RECK: variants seen among roughly 807,000 people sequenced by gnomAD.
RECK encodes reversion-inducing cysteine-rich protein with Kazal motifs.
Under a neutral mutation model 115.1 loss-of-function variants are expected in RECK, and 69 were observed. The observed-to-expected ratio is 0.60, with a 90% CI of 0.49 to 0.73. The LOEUF (loss-of-function observed/expected upper bound fraction) is 0.73. Among genes scored for constraint, RECK ranks in the 30% least tolerant of loss-of-function variants. The probability of loss-of-function intolerance (pLI) is 0.00; values close to 1 mark genes in which losing one functional copy is unlikely to be tolerated. For missense variants in RECK, 1,047 were observed against 1,203.7 expected (o/e 0.87, Z 1.93); for synonymous variants, 414 against 419.7 (o/e 0.99, Z 0.17).
At position 36,065,565 on chromosome 9, in the gene RECK, G is replaced by T. The variant is rs201075955; in HGVS notation, c.358-12G>T. The T allele has an allele frequency of 3.8e-6, 6 of 1,576,450 alleles. No individual in the cohort carries two copies. The South Asian group carries it at 6.1e-5, about 16-fold the overall frequency. ...GTATAATAAATTAATGGAGAAATTT[G>T]TTGGTTTTTAGGCATCTTCAAAGAA... On this transcript the variant is annotated splice_polypyrimidine_tract_variant and intron_variant, in intron 5 of 20. Transcript: ENST00000377966.
At chr9:36,109,466 G>A (rs1388184837) in intron 14 of RECK, among the ~76,000 whole-genome samples, 1 of 152,188 alleles carries the variant, frequency 6.6e-6, no homozygotes, top group Non-Finnish European at 1.5e-5. Flanking sequence ...CACTTCAGGG[G>A]CTTGGAGGAA....
chr9:36,058,933 T>C, intron 3 of RECK, 32 bp downstream of exon 3: 12 of 1,404,188 alleles, frequency 8.5e-6, no homozygotes, highest in Non-Finnish European at 1.1e-5. Flanking sequence ...CTGTAGAAGC[T>C]TCTGTCTAAA....
chr9:36,037,325 C>T (rs1204220305), intron 1 of RECK, among the ~76,000 whole-genome samples: 1 of 151,740 alleles, frequency 6.6e-6, no homozygotes, highest in Non-Finnish European at 1.5e-5. Flanking sequence ...GGGTTTGAGG[C>T]CTTGGTCTGT....
In RECK at chr9:36,104,293, T is replaced by TGCAC. The variant is rs368760614; in HGVS notation, c.1436-850_1436-849insGCAC. Among the ~76,000 whole-genome samples the TGCAC allele has an allele frequency of 3.4e-4, 11 of 32,004 alleles. 1 individual carries two copies. The South Asian group carries it at 8.4e-3, about 25-fold the overall frequency. 21.0% of individuals were successfully genotyped at this position (32,004 alleles called of 152,430 possible). On this transcript the variant is annotated intron_variant, in intron 12 of 20. Transcript: ENST00000377966. ...TACATAGCATGTGTGTGTGTGTGTGTATATATATATATATATATATATATA... is the reference window on the plus strand; with the variant it reads ...TACATAGCATGTGTGTGTGTGTGTGTGCACATATATATATATATATATATATATA...
intron 9 of RECK, 53 bp from the exon 10 acceptor site, chr9:36,091,111 A>G (rs1294143820): frequency 2.6e-6 from 4 of 1,548,258 alleles, no homozygotes; most frequent in Non-Finnish European, 3.6e-6. Context: ...ATGCAAATCA[A>G]ATATTTACTT....
At chr9:36,106,886 C>T (rs906946246) in intron 13 of RECK, among the ~76,000 whole-genome samples, 1 of 151,632 alleles carries the variant, frequency 6.6e-6, no homozygotes, top group Non-Finnish European at 1.5e-5. Flanking sequence ...AGGCAGATCA[C>T]GAGGTCAGGA....
At chr9:36,112,582 C>A in intron 16 of RECK, 106 bp downstream of exon 16, 1 of 1,218,840 alleles carries the variant, frequency 8.2e-7, no homozygotes, top group Non-Finnish European at 1.2e-6. Flanking sequence ...GAAATCGCTG[C>A]TGCCCTGAAG....
chr9:36,057,604 A>G (rs1564103966), intron 2 of RECK, among the ~76,000 whole-genome samples: 2 of 152,002 alleles, frequency 1.3e-5, no homozygotes, highest in African/African-American at 2.4e-5. Context: ...GATCGCTTTG[A>G]GCTTAGGAGT....
intron 20 of RECK, 43 bp downstream of exon 20, chr9:36,121,731 G>A (rs1419842378): frequency 6.2e-7 from 1 of 1,602,856 alleles, no homozygotes; most frequent in African/African-American, 1.3e-5. Context: ...TCACTTTCAA[G>A]TTTGGTGCAC....
At chr9:36,064,013 G>C in intron 5 of RECK, 133 bp downstream of exon 5, 1 of 711,880 alleles carries the variant, frequency 1.4e-6, no homozygotes, top group Non-Finnish European at 2.4e-6. Context: ...AGCATTTTTT[G>C]TATAGACCAT....
chr9:36,073,352 C>G (rs1434089284), intron 6 of RECK, among the ~76,000 whole-genome samples: 1 of 151,904 alleles, frequency 6.6e-6, no homozygotes, highest in Non-Finnish European at 1.5e-5. Context: ...CTTCCAGGCA[C>G]ATCAACTTAA....
chr9:36,055,751 G>A (rs1206396402), intron 2 of RECK, among the ~76,000 whole-genome samples: 68 of 152,062 alleles, frequency 4.5e-4, no homozygotes, highest in Admixed American at 4.5e-3. Context: ...CCAACTCTCA[G>A]TTCTATATTC....
At chr9:36,051,077 G>C (rs183586728) in intron 1 of RECK, among the ~76,000 whole-genome samples, 1 of 152,188 alleles carries the variant, frequency 6.6e-6, no homozygotes, top group Admixed American at 6.5e-5. Context: ...CAAGAGAACA[G>C]ACTTATGTTT....
At chr9:36,045,406 T>C (rs933846346) in intron 1 of RECK, among the ~76,000 whole-genome samples, 1 of 152,184 alleles carries the variant, frequency 6.6e-6, no homozygotes. Flanking sequence ...TTTAAATTAA[T>C]TTTTTAAATT....
At chr9:36,120,569 C>T in intron 18 of RECK, 94 bp from the exon 19 acceptor site, 2 of 1,022,632 alleles carry the variant, frequency 2.0e-6, no homozygotes, top group Non-Finnish European at 3.0e-6. Flanking sequence ...TGTAACTCTC[C>T]TGCCCAAAAT....
intron 12 of RECK, among the ~76,000 whole-genome samples, chr9:36,103,352 G>C (rs188481184): frequency 6.6e-6 from 1 of 152,180 alleles, no homozygotes; most frequent in Admixed American, 6.5e-5. Context: ...AGGAATCCAG[G>C]CTCCTTTTAT....
Position 36,100,539 on chromosome 9 carries a change from T to G in RECK, c.1294T>G (p.Cys432Gly), listed in dbSNP as rs754007194. Residue 432 changes from cysteine to glycine, a missense_variant, in exon 11 of 21, where the codon TGC becomes GGC. Physicochemically the swap from Cys to Gly is radical, Grantham distance 159. Coordinates refer to ENST00000377966, the MANE Select transcript of RECK (RefSeq NM_021111.3). ...TAGTAAATCTCGGGGAAGTATTATT[T>G]GCAAGTAAGTTTCTTTCATCCTAAC... ...CHSKSRGSII[C>G]KSDCVEILKK... 6.2e-7 allele frequency: 1 copy of G among 1,611,100 alleles called. No homozygotes were observed. Among genetic ancestry groups the G allele is most frequent in the Admixed American group, 1.7e-5 (1 of 60,014 alleles).
At chr9:36,082,551 T>C (rs6476521) in intron 7 of RECK, among the ~76,000 whole-genome samples, 3,867 of 152,258 alleles carry the variant, frequency 0.025, 171 homozygotes, top group African/African-American at 0.087. Context: ...GGGGTTCTTG[T>C]TCTTCTCCTT....
rs554050079 is a variant in RECK, at chr9:36,105,802, T to A, written c.1576+519T>A. On this transcript the variant is annotated intron_variant, in intron 13 of 20. Coordinates refer to ENST00000377966, the MANE Select transcript of RECK (RefSeq NM_021111.3). ...TTAAGGGTGAAGGATTTTTATCCCATAGAATTATGATAGTCTTTATCTTTC... is the reference window on the plus strand; with the variant it reads ...TTAAGGGTGAAGGATTTTTATCCCAAAGAATTATGATAGTCTTTATCTTTC... 1.9e-4 allele frequency among the ~76,000 whole-genome samples: 29 copies of A among 152,350 alleles called. No homozygotes were observed. The East Asian group carries it at 5.4e-3, about 28-fold the overall frequency.
Sources: allele counts gnomAD v4.1 joint callset (sites outside exome capture counted in the v4.1 genomes callset), GRCh38; gene constraint gnomAD v4.1.1; transcripts MANE v1.5; gene names NCBI Gene and HGNC (gene_info 2026-07-23, HGNC 2026-07-21).